The following RUVBL2 variants were observed in gnomAD, a reference collection of about 807,000 sequenced individuals.
The protein encoded by RUVBL2 is ruvB-like 2.
RUVBL2 carries 9 observed loss-of-function variants against 57.9 expected under a neutral mutation model. The observed-to-expected ratio is 0.16, with a 90% CI of 0.09 to 0.27. The LOEUF is 0.27. Ranked by LOEUF, RUVBL2 falls within the 10% of genes least tolerant of loss-of-function variation. The probability of loss-of-function intolerance (pLI) is 1.00; values close to 1 mark genes in which losing one functional copy is unlikely to be tolerated. For synonymous variants in RUVBL2, 278 were observed against 264.6 expected (o/e 1.05, Z -0.49); for missense variants, 456 against 669.6 (o/e 0.68, Z 3.52).
At chr19:49,000,984 C>A (rs930584391) in intron 2 of RUVBL2, among the ~76,000 whole-genome samples, 1 of 151,598 alleles carries the variant, frequency 6.6e-6, no homozygotes, top group African/African-American at 2.4e-5. Context: ...TAGTGTGATC[C>A]TGTCTCTAAA....
chr19:49,015,400 C>A, intron 13 of RUVBL2, 172 bp from the exon 14 acceptor site: 2 of 712,488 alleles, frequency 2.8e-6, no homozygotes, highest in Non-Finnish European at 4.7e-6. Flanking sequence ...GAGGCTGGGC[C>A]CACAACAAGG....
chr19:49,010,685 C>G lies in RUVBL2; in HGVS notation c.787+74C>G, dbSNP rs537384760. 6.3e-6 allele frequency: 10 copies of G among 1,586,708 alleles called. No individual in the cohort carries two copies. In the African/African-American group the frequency reaches 8.1e-5, roughly 13 times the overall value. On this transcript the variant is annotated intron_variant, in intron 9 of 14. Coordinates refer to ENST00000595090, the MANE Select transcript of RUVBL2 (RefSeq NM_006666.3). ...AGCCTCCCTCGGGCTCCCTCTGTTCCTGAGCTCCGAGTGTGGCCCACCTGC... is the reference window on the plus strand; with the variant it reads ...AGCCTCCCTCGGGCTCCCTCTGTTCGTGAGCTCCGAGTGTGGCCCACCTGC...
chr19:49,011,039 C>A lies in RUVBL2; in HGVS notation c.828C>A (p.Ile276=). ...TCAAGTCAGAAGTCCGTGAGCAGAT[C>A]AATGCCAAGGTGGCTGAGTGGCGCG... The part of the protein sequence containing the change: ...GEIKSEVREQ[I]NAKVAEWREE... Residue 276 remains isoleucine, a synonymous_variant, in exon 10 of 15, where the codon ATC becomes ATA. Coordinates refer to ENST00000595090, the MANE Select transcript of RUVBL2 (RefSeq NM_006666.3). The surrounding 1 kb of genome is among the most constrained non-coding windows in gnomAD (Gnocchi z 4.4). 1 of 1,607,286 alleles carries A rather than the reference C, an allele frequency of 6.2e-7. No individual in the cohort carries two copies. The highest frequency in any genetic ancestry group is 1.1e-5 in the South Asian group (1 of 90,616).
rs1320356237 is a variant in RUVBL2, at chr19:49,009,958, C to T, written c.570-15C>T. 3.7e-6 allele frequency: 6 copies of T among 1,608,126 alleles called. No individual in the cohort carries two copies. The African/African-American group carries it at 8.0e-5, about 21-fold the overall frequency. On this transcript the variant is annotated splice_polypyrimidine_tract_variant and intron_variant, in intron 7 of 14. Coordinates refer to ENST00000595090, the MANE Select transcript of RUVBL2 (RefSeq NM_006666.3). ...GCCCATTCCTTTCCTTACCCTACCCCCCATCCCCCTGTAGGGACGTGATCA... is the reference window on the plus strand; with the variant it reads ...GCCCATTCCTTTCCTTACCCTACCCTCCATCCCCCTGTAGGGACGTGATCA...
At chr19:49,002,389 C>T (rs1162974707) in intron 2 of RUVBL2, among the ~76,000 whole-genome samples, 1 of 151,982 alleles carries the variant, frequency 6.6e-6, no homozygotes, top group Admixed American at 6.6e-5. Context: ...GGCTGGCCTC[C>T]AGGCTGAGGT....
Position 49,004,389 on chromosome 19 carries a change from C to A in RUVBL2, c.236C>A (p.Pro79Gln). Reference protein sequence around the residue: ...AGRAVLIAGQPGTGKTAIAMG... With the variant: ...AGRAVLIAGQQGTGKTAIAMG... ...CGGGCAGTCCTTATTGCTGGCCAGC[C>A]GGGCACGGGGAAGACGGCCATCGCC... is the stretch of plus-strand genomic sequence containing the variant. Residue 79 changes from proline to glutamine, a missense_variant, in exon 4 of 15, where the codon CCG becomes CAG. Physicochemically the swap from Pro to Gln is moderately conservative, Grantham distance 76 (BLOSUM62 -1). This residue lies in a region of RUVBL2 where 233 missense variants were observed against 306.0 expected (regional missense o/e 0.76). Transcript: ENST00000595090. 6.2e-7 allele frequency: 1 copy of A among 1,613,056 alleles called. No individual in the cohort carries two copies. The highest frequency in any genetic ancestry group is 8.5e-7 in the Non-Finnish European group (1 of 1,179,920).
chr19:49,010,913 C>G lies in RUVBL2; in HGVS notation c.788-86C>G, dbSNP rs189042106. ...TTTGCTCCCCTTCCTCCATCCCTGG[C>G]ATCATCCTTCTCTGTCTTAGCCACA... On this transcript the variant is annotated intron_variant, in intron 9 of 14. Transcript: ENST00000595090. 4.8e-4 allele frequency: 577 copies of G among 1,200,704 alleles called. 2 individuals carry two copies. In the African/African-American group the frequency reaches 8.0e-3, roughly 17 times the overall value. The allele number at this position is 1,200,704 out of a possible 1,614,324, so 74.4% of individuals were successfully genotyped here.
At chr19:49,010,914 A>G in intron 9 of RUVBL2, 85 bp from the exon 10 acceptor site, 1 of 1,218,416 alleles carries the variant, frequency 8.2e-7, no homozygotes, top group East Asian at 2.4e-5. Context: ...CATCCCTGGC[A>G]TCATCCTTCT....
At chr19:49,010,413 A>G (rs2039390841) in intron 8 of RUVBL2, 75 bp from the exon 9 acceptor site, 7 of 1,440,710 alleles carry the variant, frequency 4.9e-6, no homozygotes, top group Non-Finnish European at 6.8e-6. Flanking sequence ...TCCCCCAGAC[A>G]GAGGGCTTTA....
intron 2 of RUVBL2, among the ~76,000 whole-genome samples, chr19:49,000,632 A>G (rs1324739526): frequency 6.6e-6 from 1 of 152,116 alleles, no homozygotes; most frequent in African/African-American, 2.4e-5. Context: ...TGGGAGGCCG[A>G]GGCGGGTGGA....
Position 49,010,008 on chromosome 19 carries a change from T to C in RUVBL2, c.605T>C (p.Ile202Thr). The C allele has an allele frequency of 6.3e-7, 1 of 1,591,320 alleles. No individual in the cohort carries two copies. The highest frequency in any genetic ancestry group is 8.6e-7 in the Non-Finnish European group (1 of 1,166,494). Reference sequence around the variant, plus strand: ...ACCATCGACAAGGCGACGGGCAAGATCTCCAAGCTGGGCCGCTCCTTCACA... The same window carrying C: ...ACCATCGACAAGGCGACGGGCAAGACCTCCAAGCTGGGCCGCTCCTTCACA... Reference protein sequence around the residue: ...VITIDKATGKISKLGRSFTRA... With the variant: ...VITIDKATGKTSKLGRSFTRA... The change falls in exon 8 of 15, where the codon ATC (isoleucine) becomes ACC (threonine). Residue 202 changes from isoleucine (I) to threonine (T), a missense_variant. Coordinates refer to ENST00000595090, the MANE Select transcript of RUVBL2 (RefSeq NM_006666.3).
Position 49,004,411 on chromosome 19 carries a change from C to T in RUVBL2, c.258C>T (p.Ile86=), listed in dbSNP as rs750229033. 2.6e-5 allele frequency: 42 copies of T among 1,612,084 alleles called. No homozygotes were observed. Among genetic ancestry groups the T allele is most frequent in the Non-Finnish European group, 3.1e-5 (37 of 1,179,736 alleles). ...AGCCGGGCACGGGGAAGACGGCCATCGCCATGGGTAAGAAACCTCCCAGGG... is the reference window on the plus strand; with the variant it reads ...AGCCGGGCACGGGGAAGACGGCCATTGCCATGGGTAAGAAACCTCCCAGGG... The part of the protein sequence containing the change: ...AGQPGTGKTA[I]AMGMAQALGP... Residue 86 remains isoleucine, a synonymous_variant, in exon 4 of 15, where the codon ATC becomes ATT. Coordinates refer to ENST00000595090, the MANE Select transcript of RUVBL2 (RefSeq NM_006666.3).
At chr19:48,999,246 G>A in intron 1 of RUVBL2, 73 bp from the exon 2 acceptor site, 1 of 1,512,742 alleles carries the variant, frequency 6.6e-7, no homozygotes, top group Non-Finnish European at 9.2e-7. Context: ...ACCATCTCAT[G>A]GGAGGGACAG....
Position 49,004,302 on chromosome 19 carries a change from T to C in RUVBL2, c.149T>C (p.Leu50Pro), listed in dbSNP as rs1286344561. The C allele has an allele frequency of 1.2e-6, 2 of 1,612,390 alleles. No homozygotes were observed. The highest frequency in any genetic ancestry group is 2.2e-5 in the South Asian group (2 of 91,016). ...GCTTCGCAAGGCATGGTGGGTCAGC[T>C]GGCGGCACGGCGGGCGGCTGGCGTG... ...RQASQGMVGQ[L>P]AARRAAGVVL... Residue 50 changes from leucine to proline, a missense_variant, in exon 4 of 15, where the codon CTG (leucine) becomes CCG (proline). By Grantham distance (98) the Leu-to-Pro change is moderately conservative (BLOSUM62 -3). Coordinates refer to ENST00000595090, the MANE Select transcript of RUVBL2 (RefSeq NM_006666.3).
chr19:49,012,749 T>C (rs1300627043), intron 11 of RUVBL2, among the ~76,000 whole-genome samples: 1 of 152,156 alleles, frequency 6.6e-6, no homozygotes, highest in African/African-American at 2.4e-5. Context: ...TAGTGCTACG[T>C]TTGTCACTTT....
intron 4 of RUVBL2, among the ~76,000 whole-genome samples, chr19:49,006,437 G>GTGCCTGCC (rs1001678020): frequency 6.6e-6 from 1 of 152,204 alleles, no homozygotes; most frequent in African/African-American, 2.4e-5. Context: ...CTGAGCACCA[G>GTGCCTGCC]TGCCTGCCTG....
At chr19:49,012,506 G>A (rs2039447853) in intron 11 of RUVBL2, among the ~76,000 whole-genome samples, 1 of 152,186 alleles carries the variant, frequency 6.6e-6, no homozygotes, top group African/African-American at 2.4e-5. Context: ...CTGCCCAGGG[G>A]CACCTCCTGT....
intron 1 of RUVBL2, chr19:48,994,133 G>A (rs1314353931): frequency 2.0e-5 from 10 of 495,884 alleles, no homozygotes; most frequent in Non-Finnish European, 3.6e-5. Context: ...CGGGGAGGGG[G>A]CTGGGATCCC....
At chr19:49,001,336 G>C (rs1477213463) in intron 2 of RUVBL2, 1 of 150,316 alleles carries the variant, frequency 6.7e-6, no homozygotes, top group Non-Finnish European at 1.5e-5. Context: ...TAATTTTTTT[G>C]CGTTTTTAGT....
Sources: gnomAD v4.1 joint callset for allele counts (sites outside exome capture counted in the v4.1 genomes callset) on GRCh38, gnomAD v4.1.1 for gene constraint, gnomAD v4.1.1 regional missense constraint, Gnocchi (gnomAD v3.1) non-coding constraint, MANE v1.5 for transcripts, NCBI Gene and HGNC (gene_info 2026-07-23, HGNC 2026-07-21) for gene names.